Variants in GABRG1 observed in about 807,000 individuals in gnomAD.
The protein encoded by GABRG1 is gamma-aminobutyric acid receptor subunit gamma-1.
Under a neutral mutation model 49.8 loss-of-function variants are expected in GABRG1, and 49 were observed. The ratio of observed to expected loss-of-function variants is 0.98; its 90% confidence interval spans 0.78 to 1.25. The LOEUF is 1.25. Among genes scored for constraint, GABRG1 ranks in the 50% most tolerant of loss-of-function variants. The probability of loss-of-function intolerance (pLI) is 0.00; values close to 1 mark genes in which losing one functional copy is unlikely to be tolerated. For synonymous variants in GABRG1, 232 were observed against 185.1 expected (o/e 1.25, Z -2.06); for missense variants, 552 against 552.3 (o/e 1.00, Z 0.01).
chr4:46,119,389 G>C (rs987611161), intron 1 of GABRG1, among the ~76,000 whole-genome samples: 1 of 151,412 alleles, frequency 6.6e-6, no homozygotes, highest in East Asian at 1.9e-4. Flanking sequence ...AATGCAGGCA[G>C]GGGTATAGAA....
intron 8 of GABRG1, among the ~76,000 whole-genome samples, chr4:46,046,321 G>C (rs1717997297): frequency 6.6e-6 from 1 of 152,018 alleles, no homozygotes; most frequent in Admixed American, 6.6e-5. Flanking sequence ...AAGAGCTGTT[G>C]GTGGTGGTAT....
intron 1 of GABRG1, among the ~76,000 whole-genome samples, chr4:46,113,048 A>T (rs1720772111): frequency 6.6e-6 from 1 of 151,078 alleles, no homozygotes; most frequent in Non-Finnish European, 1.5e-5. Flanking sequence ...TGAAAGCTTC[A>T]CTCACTTATA....
At chr4:46,113,719 G>C (rs1560375542) in intron 1 of GABRG1, among the ~76,000 whole-genome samples, 2 of 151,198 alleles carry the variant, frequency 1.3e-5, no homozygotes, top group South Asian at 2.1e-4. Context: ...CAAAATGGTA[G>C]AAGGTGTTTT....
intron 3 of GABRG1, among the ~76,000 whole-genome samples, chr4:46,078,834 AT>A: frequency 6.6e-6 from 1 of 152,028 alleles, no homozygotes; most frequent in East Asian, 1.9e-4. Flanking sequence ...AATTTTTTGA[AT>A]TTTTTGACAC....
rs572876036 is a variant in GABRG1 at position 46,100,866 on chromosome 4, C to T, written c.105-3517G>A. 4.0e-5 allele frequency among the ~76,000 whole-genome samples: 6 copies of T among 151,036 alleles called. No homozygotes were observed. In the South Asian group the frequency reaches 1.2e-3, roughly 31 times the overall value. On this transcript the variant is annotated intron_variant, in intron 1 of 8. Coordinates refer to ENST00000295452, the MANE Select transcript of GABRG1 (RefSeq NM_173536.4). ...CAAAAATACTATAAAGTTATCTTTC[C>T]TCAGTTTCGGCAATAACATAAAAGA... is the stretch of plus-strand genomic sequence containing the variant.
chr4:46,086,982 C>T (rs1188252825), intron 2 of GABRG1, among the ~76,000 whole-genome samples: 2 of 151,624 alleles, frequency 1.3e-5, no homozygotes, highest in African/African-American at 4.8e-5. Flanking sequence ...AAAGTTTATT[C>T]AGGGAGTCAA....
chr4:46,112,202 G>C (rs1488377774), intron 1 of GABRG1, among the ~76,000 whole-genome samples: 5 of 151,168 alleles, frequency 3.3e-5, no homozygotes, highest in Non-Finnish European at 7.4e-5. Context: ...TTTTTCAAAA[G>C]AAGACATAGA....
intron 5 of GABRG1, among the ~76,000 whole-genome samples, 198 bp from the exon 6 acceptor site, chr4:46,058,820 C>G (rs1288099427): frequency 2.0e-5 from 3 of 151,818 alleles, no homozygotes; most frequent in East Asian, 3.9e-4. Flanking sequence ...TAATGATAAC[C>G]CATGTAATCT....
chr4:46,072,594 A>G (rs1719171767), intron 3 of GABRG1, among the ~76,000 whole-genome samples: 1 of 151,996 alleles, frequency 6.6e-6, no homozygotes, highest in African/African-American at 2.4e-5. Context: ...TTTGCTTCAT[A>G]TTTCTCAATT....
At chr4:46,079,315 T>C (rs1445574130) in intron 3 of GABRG1, among the ~76,000 whole-genome samples, 1 of 151,884 alleles carries the variant, frequency 6.6e-6, no homozygotes, top group African/African-American at 2.4e-5. Context: ...GTCGTCTTCG[T>C]AACTGGTGCC....
rs750576386 is a variant in GABRG1, at chr4:46,065,579, A to T, written c.327T>A (p.Tyr109Ter). The T allele has an allele frequency of 2.2e-6, 3 of 1,358,552 alleles. No homozygotes were observed. Among genetic ancestry groups the T allele is most frequent in the Non-Finnish European group, 3.1e-6 (3 of 955,138 alleles). 84.2% of individuals were successfully genotyped at this position (1,358,552 alleles called of 1,614,324 possible). Residue 109 changes from tyrosine to a stop codon, truncating the protein, a stop_gained, in exon 4 of 9, where the codon TAT becomes TAA. Transcript: ENST00000295452. LOFTEE classifies it high-confidence loss of function. ...TTTGGGCAAAAATTATATCTATTGT[A>T]TATTCCTAAAATATAAGAAGAGTAA... ...IGPVDPINMEYTIDIIFAQTW... is the reference protein window; with the variant it reads ...IGPVDPINME
At chr4:46,063,496 GA>G (rs1490742998) in intron 5 of GABRG1, among the ~76,000 whole-genome samples, 1 of 152,112 alleles carries the variant, frequency 6.6e-6, no homozygotes, top group Non-Finnish European at 1.5e-5. Flanking sequence ...GTAGAAAGGT[GA>G]AACTGGATCC....
At chr4:46,042,422 T>G (rs181327254) in intron 8 of GABRG1, among the ~76,000 whole-genome samples, 165 of 152,090 alleles carry the variant, frequency 1.1e-3, no homozygotes, top group African/African-American at 3.8e-3. Context: ...TTCAACATAT[T>G]TTGAGGGTTA....
chr4:46,084,033 T>A lies in GABRG1; in HGVS notation c.274A>T (p.Thr92Ser). 1 of 1,586,074 alleles carries A rather than the reference T, an allele frequency of 6.3e-7. No individual in the cohort carries two copies. The highest frequency in any genetic ancestry group is 8.6e-7 in the Non-Finnish European group (1 of 1,160,230). ...CCAATGCTGTTTACATAAACATCAG[T>A]TTCAATTACTGTGGGCCTCACTGCA... ...DIGVRPTVIE[T>S]DVYVNSIGPV... Residue 92 changes from threonine to serine, a missense_variant, in exon 3 of 9, where the codon ACT becomes TCT. By Grantham distance (58) the Thr-to-Ser change is moderately conservative. Coordinates refer to ENST00000295452, the MANE Select transcript of GABRG1 (RefSeq NM_173536.4).
chr4:46,118,950 T>C (rs1721015489), intron 1 of GABRG1, among the ~76,000 whole-genome samples: 2 of 151,394 alleles, frequency 1.3e-5, no homozygotes, highest in Admixed American at 6.6e-5. Context: ...TTCATATAAT[T>C]TCTACTACTT....
At chr4:46,048,407 GAA>G (rs1718083147) in intron 8 of GABRG1, among the ~76,000 whole-genome samples, 1 of 150,076 alleles carries the variant, frequency 6.7e-6, no homozygotes, top group South Asian at 2.1e-4. Flanking sequence ...AGGAAGGAAG[GAA>G]GGAAGGAAGG....
chr4:46,050,738 TC>T (rs1048333363), intron 8 of GABRG1, among the ~76,000 whole-genome samples: 3 of 151,810 alleles, frequency 2.0e-5, no homozygotes, highest in African/African-American at 7.2e-5. Flanking sequence ...CTTGTGTAAA[TC>T]ATTGAACCTC....
intron 3 of GABRG1, among the ~76,000 whole-genome samples, chr4:46,076,811 T>C (rs1239143081): frequency 3.3e-5 from 5 of 151,746 alleles, no homozygotes; most frequent in African/African-American, 9.7e-5. Flanking sequence ...TTTCAAAAAA[T>C]TCAAAAAATT....
intron 1 of GABRG1, among the ~76,000 whole-genome samples, chr4:46,102,327 A>G (rs1720406810): frequency 6.6e-6 from 1 of 151,666 alleles, no homozygotes; most frequent in African/African-American, 2.4e-5. Flanking sequence ...TAGTAGGAAT[A>G]TTAATTCAGA....
Sources: gnomAD v4.1 joint callset for allele counts (sites outside exome capture counted in the v4.1 genomes callset) on GRCh38, gnomAD v4.1.1 for gene constraint, MANE v1.5 for transcripts, NCBI Gene and HGNC (gene_info 2026-07-23, HGNC 2026-07-21) for gene names.